The following TRUB1 variants were observed in gnomAD, a reference collection of about 807,000 sequenced individuals.
TRUB1 encodes pseudouridylate synthase TRUB1.
Under a neutral mutation model 33.9 loss-of-function variants are expected in TRUB1, and 23 were observed. That is an observed-to-expected ratio of 0.68 (90% CI 0.49 to 0.96). The LOEUF (loss-of-function observed/expected upper bound fraction) is 0.96. Ranked by LOEUF, TRUB1 falls within the 40% of genes least tolerant of loss-of-function variation. The pLI is 0.00. For synonymous variants in TRUB1, 163 were observed against 165.4 expected (o/e 0.99, Z 0.11); for missense variants, 378 against 422.2 (o/e 0.90, Z 0.92).
chr10:114,951,611 G>T (rs2084235554), intron 3 of TRUB1, among the ~76,000 whole-genome samples: 1 of 152,178 alleles, frequency 6.6e-6, no homozygotes, highest in African/African-American at 2.4e-5. Flanking sequence ...GTTCATATAT[G>T]AGAGTAACCT....
At chr10:114,956,203 A>G (rs954823564) in intron 3 of TRUB1, among the ~76,000 whole-genome samples, 1 of 152,188 alleles carries the variant, frequency 6.6e-6, no homozygotes, top group Admixed American at 6.5e-5. Context: ...TGAGTCCCAG[A>G]GAGTACACAG....
At chr10:114,969,634 A>G (rs1592054245) in intron 4 of TRUB1, 2 of 149,954 alleles carry the variant, frequency 1.3e-5, no homozygotes, top group African/African-American at 4.9e-5. Flanking sequence ...TTCTAAAATC[A>G]TTGTTTAAAA....
intron 1 of TRUB1, among the ~76,000 whole-genome samples, chr10:114,940,939 A>G (rs886418966): frequency 2.0e-5 from 3 of 152,220 alleles, no homozygotes; most frequent in Non-Finnish European, 2.9e-5. Flanking sequence ...GAATGACGCC[A>G]GGGTGTTCCA....
chr10:114,942,641 A>C lies in TRUB1; in HGVS notation c.287-4A>C. 6.2e-7 allele frequency: 1 copy of C among 1,607,724 alleles called. No homozygotes were observed. The highest frequency in any genetic ancestry group is 8.5e-7 in the Non-Finnish European group (1 of 1,174,320). On this transcript the variant is annotated splice_region_variant and splice_polypyrimidine_tract_variant and intron_variant, in intron 1 of 7. Coordinates refer to ENST00000298746, the MANE Select transcript of TRUB1 (RefSeq NM_139169.5). ...ACCTTTTTTCATCCCCATTTCTCTC[A>C]TAGAAGCTGGAATGCCTTCTCCAGA...
chr10:114,967,642 A>G (rs2084315953), intron 4 of TRUB1, among the ~76,000 whole-genome samples: 1 of 152,232 alleles, frequency 6.6e-6, no homozygotes. Context: ...CCCAAGTCCT[A>G]TGACACTTGT....
intron 4 of TRUB1, among the ~76,000 whole-genome samples, chr10:114,960,483 T>C (rs1326495449): frequency 1.3e-5 from 2 of 152,188 alleles, no homozygotes; most frequent in East Asian, 1.9e-4. Flanking sequence ...GTTTTTTTGT[T>C]TAGTGTTATC....
At chr10:114,970,870 G>A (rs1388781183) in intron 5 of TRUB1, among the ~76,000 whole-genome samples, 3 of 152,174 alleles carry the variant, frequency 2.0e-5, no homozygotes, top group African/African-American at 7.2e-5. Flanking sequence ...ACAATCTTTT[G>A]CTTCACTATT....
rs549393535 is a variant in TRUB1 at position 114,977,439 on chromosome 10, C to T, written c.*2060C>T. 1.4e-4 allele frequency: 21 copies of T among 151,422 alleles called. No individual in the cohort carries two copies. The highest frequency in any genetic ancestry group is 2.9e-5 in the Non-Finnish European group (2 of 67,806). 9.4% of individuals were successfully genotyped at this position (151,422 alleles called of 1,614,324 possible). A position where few individuals can be genotyped will look rare whatever the true frequency, so the allele number is the denominator to read the frequency against. On this transcript the variant is annotated 3_prime_UTR_variant, in exon 8 of 8. Transcript: ENST00000298746. ...GTTTTAAATTTTATTATGATAAATT[C>T]CTGGGAGGGGGATTATTTAGTGAAA...
At chr10:114,953,732 A>C (rs1190569181) in intron 3 of TRUB1, among the ~76,000 whole-genome samples, 1 of 152,186 alleles carries the variant, frequency 6.6e-6, no homozygotes, top group Non-Finnish European at 1.5e-5. Context: ...AAGTCTGTAC[A>C]AGAAACAAGG....
intron 6 of TRUB1, 70 bp from the exon 7 acceptor site, chr10:114,974,259 G>A: frequency 3.5e-6 from 4 of 1,131,472 alleles, no homozygotes; most frequent in Non-Finnish European, 5.3e-6. Context: ...TTTGTTTAGG[G>A]ACATCATTTC....
At position 114,964,930 on chromosome 10, in the gene TRUB1, GTT is replaced by G. The variant is rs11320741; in HGVS notation, c.523+5140_523+5141del. Among the ~76,000 whole-genome samples, 702 of 127,600 alleles carry G rather than the reference GTT, an allele frequency of 5.5e-3. 2 individuals are homozygous for G. The highest frequency in any genetic ancestry group is 0.019 in the African/African-American group (637 of 33,242). 83.7% of individuals were successfully genotyped at this position (127,600 alleles called of 152,430 possible). On this transcript the variant is annotated intron_variant, in intron 4 of 7. Transcript: ENST00000298746. ...ATTTCTTATAGATTTTTTTCTATAG[GTT>G]TTTTTTTTTTTTTTTTGAGACGGAG...
chr10:114,951,838 A>G (rs1313880380), intron 3 of TRUB1, among the ~76,000 whole-genome samples: 2 of 152,232 alleles, frequency 1.3e-5, no homozygotes, highest in Non-Finnish European at 2.9e-5. Context: ...GAAGCTTAGT[A>G]TGCCAAGAGG....
chr10:114,970,571 T>C, intron 5 of TRUB1, 131 bp downstream of exon 5: 1 of 710,212 alleles, frequency 1.4e-6, no homozygotes, highest in Non-Finnish European at 2.5e-6. Context: ...GTGCCAAATG[T>C]TAAAGTGAAG....
intron 4 of TRUB1, 63 bp from the exon 5 acceptor site, chr10:114,970,305 C>A: frequency 8.8e-7 from 1 of 1,137,328 alleles, no homozygotes; most frequent in South Asian, 1.4e-5. Flanking sequence ...GCTGTTGGTG[C>A]TGTGAAAATA....
At chr10:114,950,970 TA>T in intron 2 of TRUB1, 123 bp from the exon 3 acceptor site, 1 of 717,862 alleles carries the variant, frequency 1.4e-6, no homozygotes, top group Non-Finnish European at 2.3e-6. Flanking sequence ...AACATTTTGC[TA>T]AATATCTGTT....
At position 114,972,178 on chromosome 10, in the gene TRUB1, A is replaced by T; in HGVS notation, c.640A>T (p.Met214Leu). ...AGATGGACAAAGACTTTCGACTTTG[A>T]TGAAGAGAGGTGAAGTCGTAGAAGC... ...KKDGQRLSTL[M>L]KRGEVVEAKP... Residue 214 changes from methionine to leucine, a missense_variant, in exon 6 of 8, where the codon ATG becomes TTG. Met to Leu is a conservative substitution (Grantham distance 15). Transcript: ENST00000298746. 1.2e-6 allele frequency: 2 copies of T among 1,613,698 alleles called. No individual in the cohort carries two copies. Among genetic ancestry groups the T allele is most frequent in the Admixed American group, 1.7e-5 (1 of 59,920 alleles).
At chr10:114,960,200 A>G (rs781187716) in intron 4 of TRUB1, among the ~76,000 whole-genome samples, 7 of 152,152 alleles carry the variant, frequency 4.6e-5, no homozygotes, top group Non-Finnish European at 8.8e-5. Flanking sequence ...AAATAAATGT[A>G]CCAGGTTTAG....
intron 6 of TRUB1, 68 bp downstream of exon 6, chr10:114,972,342 T>G: frequency 1.3e-6 from 2 of 1,499,748 alleles, no homozygotes; most frequent in Non-Finnish European, 1.8e-6. Flanking sequence ...GCTACTTTTG[T>G]GTCATTTTAA....
rs570217764 is a variant in TRUB1, at chr10:114,961,337, C to A, written c.523+1530C>A. On this transcript the variant is annotated intron_variant, in intron 4 of 7. Transcript: ENST00000298746. ...TGATTAGGAAGTAAAATTAGCAAGACTTGATTTTTAGTTGATTGGACAGGA... is the reference window on the plus strand; with the variant it reads ...TGATTAGGAAGTAAAATTAGCAAGAATTGATTTTTAGTTGATTGGACAGGA... 1.4e-4 allele frequency among the ~76,000 whole-genome samples: 21 copies of A among 152,090 alleles called. No homozygotes were observed. The South Asian group carries it at 4.0e-3, about 29-fold the overall frequency.
Sources: allele counts gnomAD v4.1 joint callset (sites outside exome capture counted in the v4.1 genomes callset), GRCh38; gene constraint gnomAD v4.1.1; transcripts MANE v1.5; gene names NCBI Gene and HGNC (gene_info 2026-07-23, HGNC 2026-07-21).